The following CAPN8 variants were observed in gnomAD, a reference collection of about 807,000 sequenced individuals.
CAPN8 encodes calpain 8.
A neutral mutation model predicts 80.9 loss-of-function variants in CAPN8; 87 were observed. The observed-to-expected ratio is 1.07, with a 90% CI of 0.90 to 1.28. CAPN8 has a LOEUF of 1.28. Among genes scored for constraint, CAPN8 ranks in the 50% most tolerant of loss-of-function variants. CAPN8 has a pLI of 0.00. For synonymous variants in CAPN8, 299 were observed against 273.8 expected (o/e 1.09, Z -0.91); for missense variants, 757 against 702.0 (o/e 1.08, Z -0.89).
At chr1:223,612,284 C>T (rs1208272221) in intron 10 of CAPN8, 27 bp from the exon 11 acceptor site, 1 of 1,234,096 alleles carries the variant, frequency 8.1e-7, no homozygotes, top group Non-Finnish European at 1.0e-6. Context: ...AAGAGCAGGT[C>T]ACCTGAGAGC....
chr1:223,640,861 T>C (rs959463797), intron 2 of CAPN8, among the ~76,000 whole-genome samples: 1 of 152,050 alleles, frequency 6.6e-6, no homozygotes, highest in African/African-American at 2.4e-5. Context: ...CATGCCAACC[T>C]CACATGCAGA....
chr1:223,618,364 G>A (rs964183043), intron 9 of CAPN8: 8 of 1,529,554 alleles, frequency 5.2e-6, no homozygotes, highest in Non-Finnish European at 7.1e-6. Context: ...GGTTAGTGCG[G>A]AGGCCATGCT....
At chr1:223,641,819 C>T (rs531064514) in intron 2 of CAPN8, among the ~76,000 whole-genome samples, 6 of 152,320 alleles carry the variant, frequency 3.9e-5, no homozygotes, top group Non-Finnish European at 5.9e-5. Context: ...TTGTTCTCCG[C>T]TGTTTCCTGG....
intron 2 of CAPN8, among the ~76,000 whole-genome samples, chr1:223,644,662 G>A (rs960990910): frequency 1.3e-5 from 2 of 152,116 alleles, no homozygotes; most frequent in Admixed American, 1.3e-4. Context: ...CTAGGGGAGC[G>A]CTAGGAAACG....
At chr1:223,551,556 G>A (rs964170001) in intron 14 of CAPN8, among the ~76,000 whole-genome samples, 24 of 152,208 alleles carry the variant, frequency 1.6e-4, no homozygotes, top group Admixed American at 5.2e-4. Flanking sequence ...GGTACACACC[G>A]TGGCAGAAGG....
chr1:223,615,636 TTA>T, intron 10 of CAPN8: 1 of 456,964 alleles, frequency 2.2e-6, no homozygotes. Context: ...CTCAAGTGCC[TTA>T]TGCCCCCATG....
In CAPN8 at chr1:223,609,261, C is replaced by T. The variant is rs1365973871; in HGVS notation, c.1427G>A (p.Arg476Gln). ...GTACTCCCCAGGGGGCAGCCGGGCC[C>T]GGCCAGAGACCTCCCGCAGGTTGAC... The part of the protein sequence containing the change: ...TYVNLREVSG[R>Q]ARLPPGEYLV... The change falls in exon 12 of 21, where the codon CGG becomes CAG. Residue 476 changes from arginine (R) to glutamine (Q), a missense_variant. By Grantham distance (43) the Arg-to-Gln change is conservative (BLOSUM62 1). Coordinates refer to ENST00000366872, the MANE Select transcript of CAPN8 (RefSeq NM_001143962.2). 3.0e-5 allele frequency: 12 copies of T among 398,378 alleles called. No individual in the cohort carries two copies. Among genetic ancestry groups the T allele is most frequent in the Admixed American group, 8.8e-5 (2 of 22,704 alleles). 24.7% of individuals were successfully genotyped at this position (398,378 alleles called of 1,614,324 possible). A position where few individuals can be genotyped will look rare whatever the true frequency, so the allele number is the denominator to read the frequency against.
At chr1:223,642,979 G>A in intron 2 of CAPN8, 1 of 346,672 alleles carries the variant, frequency 2.9e-6, no homozygotes, top group Non-Finnish European at 5.6e-6. Context: ...TGATTCACCA[G>A]AGGGAGAAAA....
At position 223,625,843 on chromosome 1, in the gene CAPN8, C is replaced by T. The variant is rs896025747; in HGVS notation, c.775G>A (p.Val259Ile). 67 of 1,551,510 alleles carry T rather than the reference C, an allele frequency of 4.3e-5. No homozygotes were observed. In the Middle Eastern group the frequency reaches 1.3e-3, roughly 31 times the overall value. Residue 259 changes from valine to isoleucine, a missense_variant, in exon 6 of 21, where the codon GTT becomes ATT. Transcript: ENST00000366872. ...EAEAITSQKLVKSHAYSVTGV... is the reference protein window; with the variant it reads ...EAEAITSQKLIKSHAYSVTGV... ...GTGACAGAGTACGCATGACTCTTAA[C>T]CAGCTTCTGGCTGGTGATGGCTTCG...
chr1:223,656,206 C>T (rs922103539), intron 1 of CAPN8, among the ~76,000 whole-genome samples: 5 of 151,856 alleles, frequency 3.3e-5, no homozygotes, highest in African/African-American at 9.7e-5. Flanking sequence ...CGGTGGCTCA[C>T]GCCTGTAATC....
At chr1:223,550,823 A>G (rs940286401) in intron 15 of CAPN8, 137 bp downstream of exon 15, 1 of 578,100 alleles carries the variant, frequency 1.7e-6, no homozygotes, top group Non-Finnish European at 3.1e-6. Flanking sequence ...GCTGGACTGA[A>G]TCAGGGCTCC....
intron 16 of CAPN8, 106 bp from the exon 17 acceptor site, chr1:223,545,405 C>A: frequency 2.0e-6 from 3 of 1,507,622 alleles, no homozygotes; most frequent in Middle Eastern, 1.7e-4. Flanking sequence ...AGTGAACCTT[C>A]CATGTCTGTG....
intron 2 of CAPN8, among the ~76,000 whole-genome samples, chr1:223,637,834 C>T (rs951156329): frequency 1.3e-5 from 2 of 152,160 alleles, no homozygotes; most frequent in Admixed American, 6.5e-5. Context: ...GTGTTCAAAG[C>T]CCTGGACCCT....
chr1:223,662,868 A>G (rs749498346), intron 1 of CAPN8, among the ~76,000 whole-genome samples: 1 of 152,202 alleles, frequency 6.6e-6, no homozygotes, highest in South Asian at 2.1e-4. Context: ...TAGGATCAGA[A>G]TCTTTACTGA....
In CAPN8 at chr1:223,626,621, T is replaced by A. The variant is rs557089410; in HGVS notation, c.729+368A>T. Among the ~76,000 whole-genome samples, 15 of 152,294 alleles carry A rather than the reference T, an allele frequency of 9.8e-5. No individual in the cohort carries two copies. In the East Asian group the frequency reaches 2.9e-3, roughly 30 times the overall value. On this transcript the variant is annotated intron_variant, in intron 5 of 20. Coordinates refer to ENST00000366872, the MANE Select transcript of CAPN8 (RefSeq NM_001143962.2). ...CTCAAGATCCATCAGGTATCATCAA[T>A]CATCACATTTGTTTTCCAAAACCTC...
At chr1:223,636,989 G>A (rs577598920) in intron 2 of CAPN8, among the ~76,000 whole-genome samples, 169 of 152,220 alleles carry the variant, frequency 1.1e-3, no homozygotes, top group Non-Finnish European at 1.2e-3. Flanking sequence ...GCATTCAAAG[G>A]AAGGCTCTGA....
intron 2 of CAPN8, among the ~76,000 whole-genome samples, chr1:223,647,903 T>A (rs975573243): frequency 1.3e-5 from 2 of 152,188 alleles, no homozygotes; most frequent in African/African-American, 4.8e-5. Flanking sequence ...TTTTGGATAT[T>A]TGTAGCAACT....
chr1:223,616,279 C>A, intron 9 of CAPN8, 134 bp from the exon 10 acceptor site: 1 of 1,018,182 alleles, frequency 9.8e-7, no homozygotes, highest in Non-Finnish European at 1.4e-6. Context: ...GTAAGCAGGC[C>A]TCAGAAAGTG....
chr1:223,615,044 T>A (rs1657130521), intron 10 of CAPN8, among the ~76,000 whole-genome samples: 1 of 152,266 alleles, frequency 6.6e-6, no homozygotes, highest in Non-Finnish European at 1.5e-5. Flanking sequence ...TCTAAAGCCC[T>A]AAATTCCAGA....
Sources: allele counts gnomAD v4.1 joint callset (sites outside exome capture counted in the v4.1 genomes callset), GRCh38; gene constraint gnomAD v4.1.1; transcripts MANE v1.5; gene names NCBI Gene and HGNC (gene_info 2026-07-23, HGNC 2026-07-21).